Variants in C5AR2 observed in about 807,000 individuals in gnomAD.
The protein encoded by C5AR2 is C5a anaphylatoxin chemotactic receptor 2.
For missense variants in C5AR2, 458 were observed against 467.5 expected (o/e 0.98, Z 0.19); for synonymous variants, 224 against 216.5 (o/e 1.03, Z -0.30).
In C5AR2 at chr19:47,341,165, C is replaced by T. The variant is rs144459656; in HGVS notation, c.366C>T (p.Val122=). 2 of 1,601,030 alleles carry T rather than the reference C, an allele frequency of 1.2e-6. No individual in the cohort carries two copies. The highest frequency in any genetic ancestry group is 1.3e-5 in the African/African-American group (1 of 74,928). Residue 122 remains valine (V), a synonymous_variant, in exon 2 of 2, where the codon GTC becomes GTT. Transcript: ENST00000595464. This position sits in a 1 kb window ranked among gnomAD's most constrained non-coding sequence, Gnocchi z 4.6. ...TCCTGCTGACCATGTATGCCAGCGT[C>T]CTGCTCCTGGCAGCTCTCAGTGCCG... The part of the protein sequence containing the change: ...SIILLTMYAS[V]LLLAALSADL...
chr19:47,346,781 C>T lies in C5AR2; in HGVS notation c.*4968C>T, dbSNP rs1159436741. The stretch of plus-strand genomic sequence containing the variant: ...AGGAAAGAAAGCAAGCTGTTTTCCC[C>T]TGCCTTGCCCCTGCTCACCTTTGAA... On this transcript the variant is annotated 3_prime_UTR_variant, in exon 2 of 2. Transcript: ENST00000595464. 1 of 152,130 alleles carries T rather than the reference C, an allele frequency of 6.6e-6. No homozygotes were observed. Among genetic ancestry groups the T allele is most frequent in the East Asian group, 1.9e-4 (1 of 5,198 alleles). The allele number at this position is 152,130 out of a possible 1,614,324, so 9.4% of individuals were successfully genotyped here.
chr19:47,340,754 T>C (rs1482380965), intron 1 of C5AR2, 31 bp from the exon 2 acceptor site: 2 of 1,608,408 alleles, frequency 1.2e-6, no homozygotes, highest in African/African-American at 1.3e-5. Context: ...TTTCCTCCTC[T>C]GAGTTTTCAT....
chr19:47,338,564 C>T (rs1425197035), intron 1 of C5AR2, among the ~76,000 whole-genome samples: 1 of 149,134 alleles, frequency 6.7e-6, no homozygotes, highest in Admixed American at 6.7e-5. Context: ...GCCTGTAATC[C>T]CAGCAGTTTG....
chr19:47,340,717 A>C, intron 1 of C5AR2, 68 bp from the exon 2 acceptor site: 2 of 1,454,696 alleles, frequency 1.4e-6, no homozygotes, highest in Non-Finnish European at 1.9e-6. Flanking sequence ...GGGCTGATGG[A>C]CACCCTAGAT....
At chr19:47,338,786 G>A (rs766208388) in intron 1 of C5AR2, among the ~76,000 whole-genome samples, 12 of 151,594 alleles carry the variant, frequency 7.9e-5, no homozygotes, top group Non-Finnish European at 1.2e-4. Context: ...GCAGTGAGCT[G>A]GGAAAGTGCC....
In C5AR2 at chr19:47,343,078, C is replaced by G. The variant is rs2122176624; in HGVS notation, c.*1265C>G. 6.6e-6 allele frequency: 1 copy of G among 152,132 alleles called. No individual in the cohort carries two copies. Among genetic ancestry groups the G allele is most frequent in the East Asian group, 1.9e-4 (1 of 5,176 alleles). 9.4% of individuals were successfully genotyped at this position (152,132 alleles called of 1,614,324 possible). On this transcript the variant is annotated 3_prime_UTR_variant, in exon 2 of 2. Transcript: ENST00000595464. Reference sequence around the variant, plus strand: ...AGGATCTTGAGAAGGGGTGGTTATCCTGGATTGTCTGGGTGGGCTCAATGG... The same window carrying G: ...AGGATCTTGAGAAGGGGTGGTTATCGTGGATTGTCTGGGTGGGCTCAATGG...
In C5AR2 at chr19:47,346,873, A is replaced by T. The variant is rs1969127160; in HGVS notation, c.*5060A>T. 6.6e-6 allele frequency: 1 copy of T among 152,212 alleles called. No individual in the cohort carries two copies. Among genetic ancestry groups the T allele is most frequent in the Admixed American group, 6.5e-5 (1 of 15,274 alleles). 9.4% of individuals were successfully genotyped at this position (152,212 alleles called of 1,614,324 possible). On this transcript the variant is annotated 3_prime_UTR_variant, in exon 2 of 2. Transcript: ENST00000595464. Reference sequence around the variant, plus strand: ...CCCGCTTTGGGGCTTAAAGTTTGCAAAATCCTCCCATTAATCTATTGGGAC... The same window carrying T: ...CCCGCTTTGGGGCTTAAAGTTTGCATAATCCTCCCATTAATCTATTGGGAC...
chr19:47,339,479 G>C (rs2059373901), intron 1 of C5AR2, among the ~76,000 whole-genome samples: 1 of 151,934 alleles, frequency 6.6e-6, no homozygotes, highest in African/African-American at 2.4e-5. Flanking sequence ...CATCACTCCA[G>C]GTTATTTTTG....
chr19:47,333,886 C>T lies in C5AR2; in HGVS notation c.-16+1537C>T, dbSNP rs144695639. Among the ~76,000 whole-genome samples, 950 of 152,218 alleles carry T rather than the reference C, an allele frequency of 6.2e-3. 11 individuals carry two copies. The highest frequency in any genetic ancestry group is 0.021 in the African/African-American group (883 of 41,544). ...TGAGCCACTGCGCCCGGCCAGCCTTCTTTGATTCTGCTCCAGGGTTTTCCA... is the reference window on the plus strand; with the variant it reads ...TGAGCCACTGCGCCCGGCCAGCCTTTTTTGATTCTGCTCCAGGGTTTTCCA... On this transcript the variant is annotated intron_variant, in intron 1 of 1. Coordinates refer to ENST00000595464, the MANE Select transcript of C5AR2 (RefSeq NM_001271749.2).
intron 1 of C5AR2, among the ~76,000 whole-genome samples, chr19:47,335,221 T>A (rs1459443236): frequency 6.6e-6 from 1 of 151,886 alleles, no homozygotes. Flanking sequence ...TCCTTACCAT[T>A]GTTATTGAAT....
In C5AR2 at chr19:47,340,902, C is replaced by A; in HGVS notation, c.103C>A (p.Arg35Ser). The A allele has an allele frequency of 1.2e-6, 2 of 1,612,870 alleles. No homozygotes were observed. Among genetic ancestry groups the A allele is most frequent in the Non-Finnish European group, 1.7e-6 (2 of 1,179,954 alleles). The part of the protein sequence containing the change: ...DGACLAIDPL[R>S]VAPLPLYAAI... Reference sequence around the variant, plus strand: ...CGCCTGCCTGGCCATCGACCCGCTGCGCGTGGCCCCGCTCCCACTGTATGC... The same window carrying A: ...CGCCTGCCTGGCCATCGACCCGCTGAGCGTGGCCCCGCTCCCACTGTATGC... The change falls in exon 2 of 2, where the codon CGC becomes AGC. Residue 35 changes from arginine to serine, a missense_variant. By Grantham distance (110) the Arg-to-Ser change is moderately radical. Coordinates refer to ENST00000595464, the MANE Select transcript of C5AR2 (RefSeq NM_001271749.2).
chr19:47,336,119 C>T (rs1004112864), intron 1 of C5AR2, among the ~76,000 whole-genome samples: 14 of 152,030 alleles, frequency 9.2e-5, no homozygotes, highest in African/African-American at 3.1e-4. Flanking sequence ...GATGCAGTCT[C>T]GCTGTTGTCG....
Position 47,341,498 on chromosome 19 carries a change from G to T in C5AR2, c.699G>T (p.Pro233=). Residue 233 remains proline (P), a synonymous_variant, in exon 2 of 2, where the codon CCG becomes CCT. Coordinates refer to ENST00000595464, the MANE Select transcript of C5AR2 (RefSeq NM_001271749.2). This position sits in a 1 kb window ranked among gnomAD's most constrained non-coding sequence, Gnocchi z 4.6. ...LLCWAARRCR[P]LGTAIVVGFF... is the part of the protein sequence containing the mutation. The stretch of plus-strand genomic sequence containing the variant: ...GCTGGGCAGCCCGACGCTGCCGGCC[G>T]CTGGGCACAGCCATTGTGGTGGGGT... 2.5e-6 allele frequency: 4 copies of T among 1,611,702 alleles called. No individual in the cohort carries two copies. The highest frequency in any genetic ancestry group is 3.4e-6 in the Non-Finnish European group (4 of 1,179,666).
At chr19:47,335,678 A>G (rs1014486577) in intron 1 of C5AR2, among the ~76,000 whole-genome samples, 4 of 148,324 alleles carry the variant, frequency 2.7e-5, no homozygotes, top group Non-Finnish European at 5.9e-5. Flanking sequence ...AGACTGAGGC[A>G]GGAGAATCAT....
Position 47,340,949 on chromosome 19 carries a change from G to A in C5AR2, c.150G>A (p.Val50=). ...ATGCCGCCATCTTCCTGGTGGGGGT[G>A]CCGGGCAATGCCATGGTGGCCTGGG... ...PLYAAIFLVG[V]PGNAMVAWVA... Residue 50 remains valine (V), a synonymous_variant, in exon 2 of 2, where the codon GTG becomes GTA. Coordinates refer to ENST00000595464, the MANE Select transcript of C5AR2 (RefSeq NM_001271749.2). 3 of 1,611,790 alleles carry A rather than the reference G, an allele frequency of 1.9e-6. No individual in the cohort carries two copies. Among genetic ancestry groups the A allele is most frequent in the South Asian group, 1.1e-5 (1 of 91,080 alleles).
rs372433757 is a variant in C5AR2, at chr19:47,338,069, C to T, written c.-15-2716C>T. On this transcript the variant is annotated intron_variant, in intron 1 of 1. Coordinates refer to ENST00000595464, the MANE Select transcript of C5AR2 (RefSeq NM_001271749.2). Reference sequence around the variant, plus strand: ...CAGCCTGGGTAGCAGAGTGAGACTCCGTCTCAAAAAAAAAAATAAATAAAA... The same window carrying T: ...CAGCCTGGGTAGCAGAGTGAGACTCTGTCTCAAAAAAAAAAATAAATAAAA... 3.1e-3 allele frequency among the ~76,000 whole-genome samples: 466 copies of T among 150,060 alleles called. 29 individuals are homozygous for T. The South Asian group carries it at 0.091, about 29-fold the overall frequency.
rs1483790130 is a variant in C5AR2 at position 47,341,303 on chromosome 19, C to G, written c.504C>G (p.Pro168=). Reference sequence around the variant, plus strand: ...CACTGGCCTTGCTGCTCACCGTGCCCTCCGCCATCTACCGCCGGCTGCACC... The same window carrying G: ...CACTGGCCTTGCTGCTCACCGTGCCGTCCGCCATCTACCGCCGGCTGCACC... The part of the protein sequence containing the change: ...AWTLALLLTV[P]SAIYRRLHQE... The change falls in exon 2 of 2, where the codon CCC becomes CCG. Residue 168 remains proline, a synonymous_variant. Coordinates refer to ENST00000595464, the MANE Select transcript of C5AR2 (RefSeq NM_001271749.2). This position sits in a 1 kb window ranked among gnomAD's most constrained non-coding sequence, Gnocchi z 4.6. 1 of 1,609,174 alleles carries G rather than the reference C, an allele frequency of 6.2e-7. No homozygotes were observed.
Position 47,340,901 on chromosome 19 carries a change from G to C in C5AR2, c.102G>C (p.Leu34=). The C allele has an allele frequency of 6.2e-7, 1 of 1,613,072 alleles. No individual in the cohort carries two copies. Among genetic ancestry groups the C allele is most frequent in the South Asian group, 1.1e-5 (1 of 91,078 alleles). ...GCGCCTGCCTGGCCATCGACCCGCT[G>C]CGCGTGGCCCCGCTCCCACTGTATG... ...LDGACLAIDP[L]RVAPLPLYAA... The change falls in exon 2 of 2, where the codon CTG becomes CTC. Residue 34 remains leucine (L), a synonymous_variant. Transcript: ENST00000595464.
Position 47,341,287 on chromosome 19 carries a change from T to C in C5AR2, c.488T>C (p.Leu163Ser). 6.2e-7 allele frequency: 1 copy of C among 1,607,234 alleles called. No homozygotes were observed. Among genetic ancestry groups the C allele is most frequent in the Non-Finnish European group, 8.5e-7 (1 of 1,179,858 alleles). Residue 163 changes from leucine (L) to serine (S), a missense_variant, in exon 2 of 2, where the codon TTG (leucine) becomes TCG (serine). Leu to Ser is a moderately radical substitution (Grantham distance 145). Transcript: ENST00000595464. The surrounding 1 kb of genome is among the most constrained non-coding windows in gnomAD (Gnocchi z 4.6). ...VACGAAWTLA[L>S]LLTVPSAIYR... ...TGTGGGGCAGCCTGGACACTGGCCTTGCTGCTCACCGTGCCCTCCGCCATC... is the reference window on the plus strand; with the variant it reads ...TGTGGGGCAGCCTGGACACTGGCCTCGCTGCTCACCGTGCCCTCCGCCATC...
Sources: gnomAD v4.1 joint callset for allele counts (sites outside exome capture counted in the v4.1 genomes callset) on GRCh38, gnomAD v4.1.1 for gene constraint, Gnocchi (gnomAD v3.1) non-coding constraint, MANE v1.5 for transcripts, NCBI Gene and HGNC (gene_info 2026-07-23, HGNC 2026-07-21) for gene names.